Variants in RALYL observed in about 807,000 individuals in gnomAD.
The protein encoded by RALYL is RNA-binding Raly-like protein.
RALYL carries 29 observed loss-of-function variants against 35.1 expected under a neutral mutation model. The ratio of observed to expected loss-of-function variants is 0.83; its 90% CI spans 0.61 to 1.13. The LOEUF is 1.13. Among genes scored for constraint, RALYL ranks in the 50% most tolerant of loss-of-function variants. The pLI, the probability that RALYL is intolerant of heterozygous loss-of-function variation, is 0.00. For missense variants in RALYL, 359 were observed against 360.4 expected, an observed-to-expected ratio of 1.00 and a Z score of 0.03; for synonymous variants, 120 against 127.6, an observed-to-expected ratio of 0.94 and a Z score of 0.40.
chr8:84,857,402 T>C (rs543358841), intron 5 of RALYL, among the ~76,000 whole-genome samples: 1 of 152,314 alleles, frequency 6.6e-6, no homozygotes, highest in Admixed American at 6.5e-5. Context: ...GAAGAATTGT[T>C]TTCATGAGGG....
chr8:84,906,816 A>C (rs1846586029), intron 8 of RALYL: 1 of 262,746 alleles, frequency 3.8e-6, no homozygotes, highest in African/African-American at 2.3e-5. Context: ...ACCAGCCAGG[A>C]CTGTGCCCAG....
chr8:84,816,046 A>AAG (rs1827216830), intron 4 of RALYL, among the ~76,000 whole-genome samples: 1 of 151,122 alleles, frequency 6.6e-6, no homozygotes, highest in African/African-American at 2.4e-5. Context: ...AAAAAAAAAA[A>AAG]AAAAAAGAAA....
At chr8:84,345,149 C>T (rs1362471685) in intron 1 of RALYL, among the ~76,000 whole-genome samples, 1 of 147,156 alleles carries the variant, frequency 6.8e-6, no homozygotes, top group African/African-American at 2.5e-5. Context: ...AATGGCCATA[C>T]TATTTTACAC....
chr8:84,633,714 A>G (rs1824426165), intron 2 of RALYL, among the ~76,000 whole-genome samples: 1 of 151,836 alleles, frequency 6.6e-6, no homozygotes, highest in Non-Finnish European at 1.5e-5. Context: ...TTTTGTATAT[A>G]TGCAAACTGT....
intron 2 of RALYL, among the ~76,000 whole-genome samples, chr8:84,727,719 C>G (rs921271262): frequency 1.1e-4 from 17 of 149,054 alleles, no homozygotes; most frequent in African/African-American, 3.9e-4. Flanking sequence ...GAGAATATGC[C>G]GTGTTTGGTT....
intron 4 of RALYL, among the ~76,000 whole-genome samples, chr8:84,817,808 T>C (rs992183300): frequency 6.6e-6 from 1 of 151,896 alleles, no homozygotes; most frequent in African/African-American, 2.4e-5. Flanking sequence ...TCCCACCTCA[T>C]CCTCCAAAAG....
intron 2 of RALYL, among the ~76,000 whole-genome samples, chr8:84,670,858 G>A (rs1588903743): frequency 6.6e-6 from 1 of 152,268 alleles, no homozygotes; most frequent in South Asian, 2.1e-4. Context: ...CCTATCAAAT[G>A]TCATATCCTC....
At chr8:84,745,413 A>G (rs1186979104) in intron 2 of RALYL, among the ~76,000 whole-genome samples, 2 of 152,060 alleles carry the variant, frequency 1.3e-5, no homozygotes, top group Non-Finnish European at 2.9e-5. Flanking sequence ...CAGTTTTTTC[A>G]TAAGCCCTAG....
intron 1 of RALYL, among the ~76,000 whole-genome samples, chr8:84,429,621 A>G (rs1284325459): frequency 6.6e-6 from 1 of 152,106 alleles, no homozygotes; most frequent in Admixed American, 6.6e-5. Flanking sequence ...GCCATTCTTA[A>G]AATGTTAAAA....
At chr8:84,257,161 C>A (rs371367272) in intron 1 of RALYL, among the ~76,000 whole-genome samples, 3 of 151,310 alleles carry the variant, frequency 2.0e-5, no homozygotes, top group African/African-American at 4.9e-5. Context: ...TTGGAGAATT[C>A]GAGATTTTTT....
At chr8:84,528,958 GC>G (rs1365609473) in intron 1 of RALYL, among the ~76,000 whole-genome samples, 2 of 152,080 alleles carry the variant, frequency 1.3e-5, no homozygotes, top group Non-Finnish European at 2.9e-5. Context: ...ATTTTTGGTT[GC>G]TGTTGATAGA....
At chr8:84,475,081 C>G (rs2053240581) in intron 1 of RALYL, among the ~76,000 whole-genome samples, 1 of 151,734 alleles carries the variant, frequency 6.6e-6, no homozygotes, top group South Asian at 2.1e-4. Context: ...CAGTGACAGG[C>G]CTTGGTGTGT....
intron 2 of RALYL, among the ~76,000 whole-genome samples, chr8:84,651,089 G>A (rs1458042650): frequency 6.6e-6 from 1 of 151,946 alleles, no homozygotes; most frequent in Non-Finnish European, 1.5e-5. Context: ...GGGTAGCGGG[G>A]AAGGATAGCT....
intron 2 of RALYL, among the ~76,000 whole-genome samples, chr8:84,735,810 G>A (rs1465605124): frequency 7.9e-5 from 6 of 76,346 alleles, no homozygotes; most frequent in South Asian, 3.3e-4. Flanking sequence ...CATCCAAACC[G>A]CGAGAGAGAG....
At chr8:84,424,580 C>A (rs1321892683) in intron 1 of RALYL, among the ~76,000 whole-genome samples, 1 of 151,374 alleles carries the variant, frequency 6.6e-6, no homozygotes, top group Non-Finnish European at 1.5e-5. Flanking sequence ...CAGCTTTGTT[C>A]TGTTGCTGGT....
intron 6 of RALYL, among the ~76,000 whole-genome samples, chr8:84,868,063 G>A (rs1563775558): frequency 6.6e-6 from 1 of 151,956 alleles, no homozygotes; most frequent in African/African-American, 2.4e-5. Flanking sequence ...TAGTTATAGA[G>A]TCCATGAGAC....
chr8:84,705,840 A>G, intron 2 of RALYL: 1 of 1,216,756 alleles, frequency 8.2e-7, no homozygotes, highest in East Asian at 2.7e-5. Context: ...TAAACAGAGT[A>G]GTTACAGGCT....
intron 2 of RALYL, among the ~76,000 whole-genome samples, chr8:84,662,399 A>G (rs1005195612): frequency 7.2e-5 from 11 of 152,238 alleles, no homozygotes; most frequent in African/African-American, 1.7e-4. Context: ...TTTGAGAATA[A>G]TCAAGGTAAT....
chr8:84,349,956 C>T (rs1850584258), intron 1 of RALYL, among the ~76,000 whole-genome samples: 1 of 150,264 alleles, frequency 6.7e-6, no homozygotes, highest in Admixed American at 6.6e-5. Context: ...TCCCAATCCC[C>T]CAGCAAAAAT....
Sources: allele counts gnomAD v4.1 joint callset (sites outside exome capture counted in the v4.1 genomes callset), GRCh38; gene constraint gnomAD v4.1.1; transcripts MANE v1.5; gene names NCBI Gene and HGNC (gene_info 2026-07-23, HGNC 2026-07-21).